ZCCHC4: variants seen among roughly 807,000 people sequenced by gnomAD.
The protein encoded by ZCCHC4 is zinc finger CCHC-type containing 4.
In ZCCHC4, 54 loss-of-function variants were observed where a neutral mutation model predicts 67.7. The ratio of observed to expected loss-of-function variants is 0.80; its 90% CI spans 0.64 to 1.00. ZCCHC4 has a LOEUF of 1.00. Ranked by LOEUF, ZCCHC4 falls within the 50% of genes least tolerant of loss-of-function variation. ZCCHC4 has a pLI of 0.00. For missense variants in ZCCHC4, 609 were observed against 617.0 expected (o/e 0.99, Z 0.14); for synonymous variants, 198 against 213.5 (o/e 0.93, Z 0.63).
chr4:25,344,389 A>T (rs1432431772), intron 5 of ZCCHC4, among the ~76,000 whole-genome samples: 1 of 145,688 alleles, frequency 6.9e-6, no homozygotes, highest in African/African-American at 2.5e-5. Context: ...GCATGTTCTC[A>T]CTCATAGGTG....
At chr4:25,360,932 G>A (rs895021750) in intron 8 of ZCCHC4, among the ~76,000 whole-genome samples, 2 of 152,200 alleles carry the variant, frequency 1.3e-5, no homozygotes, top group African/African-American at 4.8e-5. Context: ...GCTGAACTTA[G>A]AGCATTGTGG....
chr4:25,347,921 G>T (rs1383005748), intron 6 of ZCCHC4, among the ~76,000 whole-genome samples: 1 of 152,148 alleles, frequency 6.6e-6, no homozygotes, highest in Non-Finnish European at 1.5e-5. Flanking sequence ...TTGTAAGCAA[G>T]TATCTATTTC....
At chr4:25,350,304 A>C (rs1042439236) in intron 7 of ZCCHC4, among the ~76,000 whole-genome samples, 2 of 120,472 alleles carry the variant, frequency 1.7e-5, no homozygotes, top group Non-Finnish European at 3.2e-5. Flanking sequence ...TCTGTCACCC[A>C]GTCTGGAGTG....
intron 3 of ZCCHC4, among the ~76,000 whole-genome samples, chr4:25,325,087 C>T (rs570060276): frequency 1.4e-5 from 2 of 146,426 alleles, no homozygotes; most frequent in East Asian, 2.0e-4. Flanking sequence ...ACTAAAAATA[C>T]AAAAAATTAG....
At chr4:25,322,313 A>C (rs316771) in intron 3 of ZCCHC4, among the ~76,000 whole-genome samples, 1 of 151,950 alleles carries the variant, frequency 6.6e-6, no homozygotes, top group Non-Finnish European at 1.5e-5. Flanking sequence ...AGGAAACCTC[A>C]TGCCTGTCAG....
At chr4:25,364,942 G>A (rs900305683) in intron 11 of ZCCHC4, 80 bp from the exon 12 acceptor site, 28 of 1,576,026 alleles carry the variant, frequency 1.8e-5, no homozygotes, top group African/African-American at 1.6e-4. Flanking sequence ...AACACTGTTC[G>A]TATATCCTAC....
At chr4:25,351,525 T>C in intron 7 of ZCCHC4, 64 bp from the exon 8 acceptor site, 2 of 1,111,486 alleles carry the variant, frequency 1.8e-6, no homozygotes, top group Non-Finnish European at 1.3e-6. Context: ...CGGAAGTTTT[T>C]CTACTGTAGC....
At chr4:25,325,631 T>G (rs181390718) in intron 3 of ZCCHC4, among the ~76,000 whole-genome samples, 1 of 152,344 alleles carries the variant, frequency 6.6e-6, no homozygotes, top group Admixed American at 6.5e-5. Flanking sequence ...CAATTTATTT[T>G]TTGTCACTTA....
Position 25,370,189 on chromosome 4 carries a change from C to G in ZCCHC4, c.*1025C>G, listed in dbSNP as rs1721092771. On this transcript the variant is annotated 3_prime_UTR_variant, in exon 13 of 13. Transcript: ENST00000302874. ...CTGTCTTTGTAAAAGTAGTTCGTAGCAGAAGCCAGGATAGTTTGGTAATTA... is the reference window on the plus strand; with the variant it reads ...CTGTCTTTGTAAAAGTAGTTCGTAGGAGAAGCCAGGATAGTTTGGTAATTA... 6.6e-6 allele frequency: 1 copy of G among 152,176 alleles called. No homozygotes were observed. Among genetic ancestry groups the G allele is most frequent in the South Asian group, 2.1e-4 (1 of 4,830 alleles). 9.4% of individuals were successfully genotyped at this position (152,176 alleles called of 1,614,324 possible). A position where few individuals can be genotyped will look rare whatever the true frequency, so the allele number is the denominator to read the frequency against.
Position 25,366,070 on chromosome 4 carries a change from G to C in ZCCHC4, c.1406+904G>C, listed in dbSNP as rs1312339582. On this transcript the variant is annotated intron_variant, in intron 12 of 12. Transcript: ENST00000302874. ...ACTTGTAATTTAAAAAAATTGATTTGTGTTAGAAATATCTGATAGTTTAAT... is the reference window on the plus strand; with the variant it reads ...ACTTGTAATTTAAAAAAATTGATTTCTGTTAGAAATATCTGATAGTTTAAT... The C allele has an allele frequency of 3.1e-6, 3 of 975,372 alleles. No homozygotes were observed. The East Asian group carries it at 3.4e-4, about 112-fold the overall frequency. The allele number at this position is 975,372 out of a possible 1,614,324, so 60.4% of individuals were successfully genotyped here.
At chr4:25,355,975 A>C (rs1720500942) in intron 8 of ZCCHC4, among the ~76,000 whole-genome samples, 1 of 152,206 alleles carries the variant, frequency 6.6e-6, no homozygotes, top group African/African-American at 2.4e-5. Flanking sequence ...ACTCTGTCTT[A>C]TTTAATCTTT....
chr4:25,364,254 C>A (rs1240620638), intron 10 of ZCCHC4, among the ~76,000 whole-genome samples, 200 bp from the exon 11 acceptor site: 2 of 151,990 alleles, frequency 1.3e-5, no homozygotes, highest in African/African-American at 4.8e-5. Context: ...GAAATTGAGG[C>A]CCATCAAGGA....
chr4:25,321,694 T>G (rs1221524275), intron 3 of ZCCHC4, among the ~76,000 whole-genome samples: 1 of 151,842 alleles, frequency 6.6e-6, no homozygotes, highest in African/African-American at 2.4e-5. Context: ...TAAAATATTT[T>G]TAGAGATGGG....
rs1450489877 is a variant in ZCCHC4, at chr4:25,361,965, C to CCCT, written c.1118_1119insCCT (p.Thr373_Glu374insLeu). ...CCGCCCAACAAAATAATCCTTCCTA[C>CCCT]TGAAGAAGGGTACAGGTAAGATCAC... On this transcript the variant is annotated inframe_insertion, in exon 9 of 13. Coordinates refer to ENST00000302874, the MANE Select transcript of ZCCHC4 (RefSeq NM_024936.3). The CCCT allele has an allele frequency of 1.9e-6, 3 of 1,613,826 alleles. No individual in the cohort carries two copies. The highest frequency in any genetic ancestry group is 2.5e-6 in the Non-Finnish European group (3 of 1,179,962).
chr4:25,354,856 T>C (rs1045847999), intron 8 of ZCCHC4, among the ~76,000 whole-genome samples: 6 of 151,774 alleles, frequency 4.0e-5, no homozygotes, highest in African/African-American at 1.5e-4. Flanking sequence ...AATGAAAACT[T>C]TGAGTCCCCT....
At chr4:25,363,147 A>G (rs1720817845) in intron 10 of ZCCHC4, among the ~76,000 whole-genome samples, 1 of 152,230 alleles carries the variant, frequency 6.6e-6, no homozygotes, top group Admixed American at 6.5e-5. Context: ...TGTTTTCACT[A>G]AAAATCTTTT....
chr4:25,368,133 T>C (rs1435590476), intron 12 of ZCCHC4, among the ~76,000 whole-genome samples: 4 of 152,214 alleles, frequency 2.6e-5, no homozygotes, highest in Non-Finnish European at 5.9e-5. Context: ...GAAGCTCTTT[T>C]CCCAGGTTTA....
chr4:25,314,841 A>G lies in ZCCHC4; in HGVS notation c.247-477A>G, dbSNP rs151333052. On this transcript the variant is annotated intron_variant, in intron 2 of 12. Coordinates refer to ENST00000302874, the MANE Select transcript of ZCCHC4 (RefSeq NM_024936.3). ...ATCATGATCATTCCAGAAAGTGTTAAAAAACACTTTTTTTGAACATTTGCA... is the reference window on the plus strand; with the variant it reads ...ATCATGATCATTCCAGAAAGTGTTAGAAAACACTTTTTTTGAACATTTGCA... Among the ~76,000 whole-genome samples, 1,390 of 152,296 alleles carry G rather than the reference A, an allele frequency of 9.1e-3. 13 individuals carry two copies. The highest frequency in any genetic ancestry group is 0.032 in the African/African-American group (1,311 of 41,524).
At chr4:25,350,363 C>T (rs1249536182) in intron 7 of ZCCHC4, among the ~76,000 whole-genome samples, 6 of 147,042 alleles carry the variant, frequency 4.1e-5, no homozygotes, top group South Asian at 4.3e-4. Flanking sequence ...CAGGTTCAAG[C>T]GATTCTTCTG....
Sources: allele counts gnomAD v4.1 joint callset (sites outside exome capture counted in the v4.1 genomes callset), GRCh38; gene constraint gnomAD v4.1.1; transcripts MANE v1.5; gene names NCBI Gene and HGNC (gene_info 2026-07-23, HGNC 2026-07-21).